Variants in RBPJ observed in about 807,000 individuals in gnomAD.
RBPJ encodes recombining binding protein suppressor of hairless.
RBPJ carries 9 observed loss-of-function variants against 67.8 expected under a neutral mutation model. That is an observed-to-expected ratio of 0.13 (90% CI 0.08 to 0.23). The LOEUF (loss-of-function observed/expected upper bound fraction) is 0.23, where lower values mean the gene tolerates loss of function less well. Ranked by LOEUF, RBPJ falls within the 10% of genes least tolerant of loss-of-function variation. The pLI is 1.00. For synonymous variants in RBPJ, 198 were observed against 203.3 expected, an observed-to-expected ratio of 0.97 and a Z score of 0.22; for missense variants, 305 against 595.6, an observed-to-expected ratio of 0.51 and a Z score of 5.08.
At chr4:26,392,800 T>A (rs1731652445) in intron 2 of RBPJ, among the ~76,000 whole-genome samples, 1 of 152,246 alleles carries the variant, frequency 6.6e-6, no homozygotes, top group South Asian at 2.1e-4. Context: ...TGTATTTTAC[T>A]ATATTTCAAT....
Position 26,430,985 on chromosome 4 carries a change from C to G in RBPJ, c.1442C>G (p.Ser481Cys). ...ASTNSTSVTSSTATVVS is the reference protein window; with the variant it reads ...ASTNSTSVTSCTATVVS The stretch of plus-strand genomic sequence containing the variant: ...ACAAATTCAACCAGTGTCACATCAT[C>G]TACAGCCACAGTGGTATCCTAACTA... The change falls in exon 11 of 11, where the codon TCT becomes TGT. Residue 481 changes from serine to cysteine, a missense_variant. By Grantham distance (112) the Ser-to-Cys change is moderately radical (BLOSUM62 -1). Coordinates refer to ENST00000355476, the MANE Select transcript of RBPJ (RefSeq NM_015874.6). The surrounding 1 kb of genome is among the most constrained non-coding windows in gnomAD (Gnocchi z 4.1). The G allele has an allele frequency of 1.2e-6, 2 of 1,613,824 alleles. No individual in the cohort carries two copies. Among genetic ancestry groups the G allele is most frequent in the Non-Finnish European group, 1.7e-6 (2 of 1,179,944 alleles).
intron 1 of RBPJ, among the ~76,000 whole-genome samples, chr4:26,376,778 C>G (rs1389250094): frequency 1.3e-5 from 2 of 152,196 alleles, no homozygotes; most frequent in Non-Finnish European, 2.9e-5. Context: ...TCCCCATATC[C>G]TTGCCAACCC....
chr4:26,363,373 C>T (rs1577527908), intron 1 of RBPJ, among the ~76,000 whole-genome samples: 1 of 152,160 alleles, frequency 6.6e-6, no homozygotes, highest in Non-Finnish European at 1.5e-5. Context: ...CTCCTGACCT[C>T]GTGATCCACC....
chr4:26,138,914 G>A, the RBPJ span, among the ~76,000 whole-genome samples: 1 of 152,238 alleles, frequency 6.6e-6, no homozygotes, highest in Non-Finnish European at 1.5e-5. Context: ...TGCTAGGCAA[G>A]AAGCTGGGGA....
chr4:26,301,665 T>A (rs901443109), intron 1 of RBPJ, among the ~76,000 whole-genome samples: 1 of 152,148 alleles, frequency 6.6e-6, no homozygotes, highest in African/African-American at 2.4e-5. Context: ...TGCCCATTTT[T>A]AAAATAATAG....
intron 1 of RBPJ, among the ~76,000 whole-genome samples, chr4:26,266,639 G>A (rs141960671): frequency 2.6e-5 from 4 of 152,248 alleles, no homozygotes; most frequent in South Asian, 2.1e-4. Flanking sequence ...TTTTTATGAC[G>A]TGCTTTAGAA....
At chr4:26,113,358 A>C in the RBPJ span, 3 of 547,058 alleles carry the variant, frequency 5.5e-6, no homozygotes, top group African/African-American at 5.6e-5. Context: ...TTGTGGGAGA[A>C]GTCAAACTTC....
At chr4:26,370,108 A>G (rs955358861) in intron 1 of RBPJ, among the ~76,000 whole-genome samples, 1 of 152,202 alleles carries the variant, frequency 6.6e-6, no homozygotes, top group Non-Finnish European at 1.5e-5. Context: ...CTGATCCAGG[A>G]TGAGTAGTAG....
intron 1 of RBPJ, among the ~76,000 whole-genome samples, chr4:26,382,913 A>T (rs1050837647): frequency 3.3e-5 from 5 of 152,194 alleles, no homozygotes; most frequent in African/African-American, 1.2e-4. Flanking sequence ...TATTCTTTCC[A>T]TACTCCAATA....
chr4:26,413,936 G>A (rs1454158042), intron 3 of RBPJ, among the ~76,000 whole-genome samples: 2 of 152,110 alleles, frequency 1.3e-5, no homozygotes, highest in Non-Finnish European at 2.9e-5. Context: ...ATTGGAGGAC[G>A]GGACCAACAC....
At chr4:26,330,317 C>T (rs897270139) in intron 1 of RBPJ, among the ~76,000 whole-genome samples, 1 of 152,202 alleles carries the variant, frequency 6.6e-6, no homozygotes, top group African/African-American at 2.4e-5. Context: ...CACCTACCAT[C>T]TGCCAGAATG....
intron 1 of RBPJ, among the ~76,000 whole-genome samples, chr4:26,266,585 G>A (rs991463559): frequency 6.6e-6 from 1 of 152,088 alleles, no homozygotes; most frequent in South Asian, 2.1e-4. Flanking sequence ...TCTTACATGG[G>A]GGTGTTATGA....
At chr4:26,284,050 A>G (rs1721377285) in intron 1 of RBPJ, among the ~76,000 whole-genome samples, 1 of 152,202 alleles carries the variant, frequency 6.6e-6, no homozygotes. Context: ...TTTTCTTACA[A>G]TATCCAAAAT....
At chr4:26,251,565 G>A (rs1720109387) in intron 1 of RBPJ, among the ~76,000 whole-genome samples, 2 of 151,364 alleles carry the variant, frequency 1.3e-5, no homozygotes, top group Admixed American at 1.3e-4. Flanking sequence ...GAACATGGGA[G>A]GTGGAGGTTG....
At chr4:26,417,693 G>A (rs1734731311) in intron 4 of RBPJ, among the ~76,000 whole-genome samples, 2 of 152,286 alleles carry the variant, frequency 1.3e-5, no homozygotes, top group Admixed American at 1.3e-4. Context: ...TTTTGACCAA[G>A]GTAGGCAAAG....
chr4:26,136,387 C>T, the RBPJ span, among the ~76,000 whole-genome samples: 1 of 152,182 alleles, frequency 6.6e-6, no homozygotes, highest in East Asian at 1.9e-4. Flanking sequence ...CCAGTCCTGC[C>T]CCAGGAGCCC....
intron 2 of RBPJ, among the ~76,000 whole-genome samples, chr4:26,388,236 A>G (rs1731118837): frequency 6.6e-6 from 1 of 152,092 alleles, no homozygotes; most frequent in South Asian, 2.1e-4. Flanking sequence ...GCTTCAAACA[A>G]TCCTCCTGCT....
the RBPJ span, among the ~76,000 whole-genome samples, chr4:26,132,261 G>A: frequency 6.6e-6 from 1 of 152,124 alleles, no homozygotes; most frequent in Non-Finnish European, 1.5e-5. Context: ...AGACTCTGTG[G>A]ACTCCAAGAT....
At chr4:26,309,086 T>C (rs1158273934) in intron 1 of RBPJ, among the ~76,000 whole-genome samples, 1 of 150,878 alleles carries the variant, frequency 6.6e-6, no homozygotes, top group African/African-American at 2.4e-5. Flanking sequence ...CAGGCTGGAG[T>C]GCAGTGGCAC....
Sources: allele counts gnomAD v4.1 joint callset (sites outside exome capture counted in the v4.1 genomes callset), GRCh38; gene constraint gnomAD v4.1.1; non-coding constraint Gnocchi (gnomAD v3.1); transcripts MANE v1.5; gene names NCBI Gene and HGNC (gene_info 2026-07-23, HGNC 2026-07-21).